Variants in IL17RD observed in about 807,000 individuals in gnomAD.
The protein encoded by IL17RD is interleukin-17 receptor D.
A neutral mutation model predicts 80.5 loss-of-function variants in IL17RD; 52 were observed. That is an observed-to-expected ratio of 0.65 (90% CI 0.52 to 0.81). The LOEUF is 0.81. Among genes scored for constraint, IL17RD ranks in the 40% least tolerant of loss-of-function variants. The pLI is 0.00. For synonymous variants in IL17RD, 416 were observed against 391.8 expected (o/e 1.06, Z -0.73); for missense variants, 1,024 against 955.1 (o/e 1.07, Z -0.95).
intron 1 of IL17RD, among the ~76,000 whole-genome samples, chr3:57,163,785 C>CGGGG (rs57632395): frequency 6.3e-5 from 1 of 15,956 alleles, no homozygotes; most frequent in Non-Finnish European, 2.0e-4. Context: ...CCTAATGGGG[C>CGGGG]GGGGGGGCGG....
chr3:57,104,454 G>C (rs1208187264), intron 7 of IL17RD, 47 bp from the exon 8 acceptor site: 12 of 1,311,970 alleles, frequency 9.1e-6, no homozygotes, highest in Non-Finnish European at 1.3e-5. Flanking sequence ...CTTGGGCAAA[G>C]GTCTTCAGGA....
At chr3:57,139,678 A>G (rs1197296580) in intron 1 of IL17RD, among the ~76,000 whole-genome samples, 1 of 151,900 alleles carries the variant, frequency 6.6e-6, no homozygotes, top group Non-Finnish European at 1.5e-5. Flanking sequence ...ACGCCAGGCT[A>G]ATTTTTGTAT....
Position 57,102,527 on chromosome 3 carries a change from A to C in IL17RD, c.931T>G (p.Ser311Ala), listed in dbSNP as rs769626792. Residue 311 changes from serine to alanine, a missense_variant, in exon 10 of 13, where the codon TCG (serine) becomes GCG (alanine). Ser to Ala is a moderately conservative substitution (Grantham distance 99). Transcript: ENST00000296318. ...VAITVPLVVI[S>A]AFATLFTVMC... ...ACAGTGAAGAGCGTCGCGAATGCCG[A>C]TATGACTACCAGTGGCACTGTGATG... 1 of 1,581,816 alleles carries C rather than the reference A, an allele frequency of 6.3e-7. No homozygotes were observed. Among genetic ancestry groups the C allele is most frequent in the Non-Finnish European group, 8.7e-7 (1 of 1,155,976 alleles).
chr3:57,107,222 C>CA (rs1338928995), intron 5 of IL17RD, among the ~76,000 whole-genome samples: 2 of 151,738 alleles, frequency 1.3e-5, no homozygotes, highest in East Asian at 3.9e-4. Context: ...ACTAAAAATA[C>CA]AAAAAAATTA....
At chr3:57,168,651 G>A (rs1286626512), upstream of IL17RD, among the ~76,000 whole-genome samples, 1 of 91,496 alleles carries the variant, frequency 1.1e-5, no homozygotes. Context: ...CTGTATTCTG[G>A]TCTTTCCCAT....
chr3:57,105,552 A>AAAATATATATATAT, intron 7 of IL17RD, among the ~76,000 whole-genome samples: 10 of 63,586 alleles, frequency 1.6e-4, no homozygotes, highest in African/African-American at 7.5e-4. Context: ...AAAAAAAAAA[A>AAAATATATATATAT]ATATATATAT....
At chr3:57,163,713 T>C (rs981872488) in intron 1 of IL17RD, among the ~76,000 whole-genome samples, 2 of 149,288 alleles carry the variant, frequency 1.3e-5, no homozygotes, top group Non-Finnish European at 3.0e-5. Flanking sequence ...AGTAATGTTT[T>C]ACTGAAATGG....
chr3:57,109,519 A>G lies in IL17RD; in HGVS notation c.550+18T>C, dbSNP rs759307707. 1 of 1,604,896 alleles carries G rather than the reference A, an allele frequency of 6.2e-7. No individual in the cohort carries two copies. The highest frequency in any genetic ancestry group is 1.1e-5 in the South Asian group (1 of 89,178). On this transcript the variant is annotated intron_variant, in intron 5 of 12. Coordinates refer to ENST00000296318, the MANE Select transcript of IL17RD (RefSeq NM_017563.5). Reference sequence around the variant, plus strand: ...AAAAGTCTTCTCATGGGAACCAGGCAGGAAAGGCCATACTCACCTCGGGTT... The same window carrying G: ...AAAAGTCTTCTCATGGGAACCAGGCGGGAAAGGCCATACTCACCTCGGGTT...
intron 1 of IL17RD, among the ~76,000 whole-genome samples, chr3:57,154,295 C>T (rs1163688162): frequency 1.4e-5 from 2 of 147,746 alleles, no homozygotes; most frequent in Non-Finnish European, 3.0e-5. Flanking sequence ...CACACACACA[C>T]ACACACATAC....
At chr3:57,122,429 C>T (rs922490883) in intron 1 of IL17RD, among the ~76,000 whole-genome samples, 15 of 152,342 alleles carry the variant, frequency 9.8e-5, no homozygotes, top group Admixed American at 5.9e-4. Context: ...GGAGCCAGGC[C>T]GCGCAGCAGG....
At chr3:57,105,398 G>A (rs922744172) in intron 7 of IL17RD, among the ~76,000 whole-genome samples, 8 of 150,890 alleles carry the variant, frequency 5.3e-5, no homozygotes, top group Admixed American at 2.6e-4. Flanking sequence ...TTAGTTGGGT[G>A]TGGTGGCATG....
At chr3:57,127,293 T>TAA (rs1383425083) in intron 1 of IL17RD, among the ~76,000 whole-genome samples, 17 of 93,340 alleles carry the variant, frequency 1.8e-4, no homozygotes, top group Non-Finnish European at 2.6e-4. Flanking sequence ...TAAATATATA[T>TAA]AAATATATAT....
At chr3:57,143,324 C>A (rs1707866560) in intron 1 of IL17RD, among the ~76,000 whole-genome samples, 4 of 152,194 alleles carry the variant, frequency 2.6e-5, no homozygotes, top group Admixed American at 2.6e-4. Context: ...GCTGGAGGGA[C>A]CTATCTCCAC....
chr3:57,118,592 CCTT>C (rs1305844483), intron 2 of IL17RD, among the ~76,000 whole-genome samples: 3 of 152,150 alleles, frequency 2.0e-5, no homozygotes, highest in Non-Finnish European at 4.4e-5. Flanking sequence ...TATACAACTA[CCTT>C]CTTATGAATG....
Position 57,097,696 on chromosome 3 carries a change from C to T in IL17RD, c.2007G>A (p.Val669=), listed in dbSNP as rs761289930. 20 of 1,605,346 alleles carry T rather than the reference C, an allele frequency of 1.2e-5. No homozygotes were observed. The South Asian group carries it at 1.9e-4, about 15-fold the overall frequency. ...PRDSGIYDSS[V]PSSELSLPLM... ...GTGGCAGAGACAGCTCGGATGAGGG[C>T]ACAGACGAGTCATAGATGCCTGAGT... is the stretch of plus-strand genomic sequence containing the variant. Residue 669 remains valine (V), a synonymous_variant, in exon 12 of 13, where the codon GTG becomes GTA. Coordinates refer to ENST00000296318, the MANE Select transcript of IL17RD (RefSeq NM_017563.5).
intron 1 of IL17RD, among the ~76,000 whole-genome samples, chr3:57,146,989 A>ATTT (rs1244457109): frequency 7.9e-6 from 1 of 126,474 alleles, no homozygotes; most frequent in Non-Finnish European, 1.7e-5. Context: ...TGCCCGGCTA[A>ATTT]TTTTTTTTTT....
chr3:57,124,539 G>A (rs945981835), intron 1 of IL17RD, among the ~76,000 whole-genome samples: 2 of 152,140 alleles, frequency 1.3e-5, no homozygotes, highest in Admixed American at 6.5e-5. Flanking sequence ...GAGGAGCTAA[G>A]GAGCCACAGA....
chr3:57,138,552 T>C (rs1707770924), intron 1 of IL17RD, among the ~76,000 whole-genome samples: 1 of 151,994 alleles, frequency 6.6e-6, no homozygotes, highest in African/African-American at 2.4e-5. Flanking sequence ...TGGTGACAAA[T>C]ACAATACCGA....
chr3:57,140,240 A>G (rs543377132), intron 1 of IL17RD, among the ~76,000 whole-genome samples: 21 of 152,268 alleles, frequency 1.4e-4, no homozygotes, highest in Middle Eastern at 3.4e-3. Flanking sequence ...GTTAAAATAT[A>G]CCTTTTTGCA....
Sources: gnomAD v4.1 joint callset for allele counts (sites outside exome capture counted in the v4.1 genomes callset) on GRCh38, gnomAD v4.1.1 for gene constraint, MANE v1.5 for transcripts, NCBI Gene and HGNC (gene_info 2026-07-23, HGNC 2026-07-21) for gene names.